WDR25: variants seen among roughly 807,000 people sequenced by gnomAD.
WDR25 encodes the protein WD repeat-containing protein 25.
A neutral mutation model predicts 47.7 loss-of-function variants in WDR25; 35 were observed. That is an observed-to-expected ratio of 0.73 (90% CI 0.56 to 0.97). The LOEUF (loss-of-function observed/expected upper bound fraction) is 0.97. WDR25 is among the 50% of genes least tolerant of loss of function. The pLI is 0.00. For synonymous variants in WDR25, 248 were observed against 278.9 expected (o/e 0.89, Z 1.10); for missense variants, 634 against 704.7 (o/e 0.90, Z 1.14).
chr14:100,429,107 C>A lies in WDR25; in HGVS notation c.823-38914C>A, dbSNP rs1396516920. On this transcript the variant is annotated intron_variant, in intron 2 of 6. Coordinates refer to ENST00000402312, the MANE Select transcript of WDR25 (RefSeq NM_001161476.3). ...TTCCATTTGGCACTTTGTGTTTTGT[C>A]CCCCGGGTTTTGATCTAGGCTGCAG... Among the ~76,000 whole-genome samples the A allele has an allele frequency of 2.0e-5, 3 of 152,178 alleles. No homozygotes were observed. In the South Asian group the frequency reaches 6.2e-4, roughly 31 times the overall value.
intron 2 of WDR25, among the ~76,000 whole-genome samples, chr14:100,432,305 TG>T (rs1687585070): frequency 1.3e-5 from 2 of 152,230 alleles, no homozygotes; most frequent in Non-Finnish European, 2.9e-5. Flanking sequence ...AATAAGTCAA[TG>T]GGTATTATCC....
chr14:100,447,085 T>C (rs1181708865), intron 2 of WDR25, among the ~76,000 whole-genome samples: 2 of 152,190 alleles, frequency 1.3e-5, no homozygotes, highest in African/African-American at 4.8e-5. Context: ...TATTAGAAAA[T>C]TTCTGGGCTC....
Position 100,506,798 on chromosome 14 carries a change from T to C in WDR25, c.1102-19072T>C, listed in dbSNP as rs537265245. Reference sequence around the variant, plus strand: ...CTTGTTCAATTGTTTAAGTTTCTTATAGATTCTGGATATTACAGCTTTGTC... The same window carrying C: ...CTTGTTCAATTGTTTAAGTTTCTTACAGATTCTGGATATTACAGCTTTGTC... On this transcript the variant is annotated intron_variant, in intron 4 of 6. Transcript: ENST00000402312. The surrounding 1 kb of genome is among the most constrained non-coding windows in gnomAD (Gnocchi z 4.8). Among the ~76,000 whole-genome samples, 67 of 152,294 alleles carry C rather than the reference T, an allele frequency of 4.4e-4. 1 individual carries two copies. The South Asian group carries it at 0.012, about 28-fold the overall frequency.
intron 4 of WDR25, among the ~76,000 whole-genome samples, chr14:100,493,634 C>T (rs572376228): frequency 1.3e-5 from 2 of 152,236 alleles, no homozygotes; most frequent in South Asian, 2.1e-4. Context: ...AGTGACACAT[C>T]GTTGTCACTC....
chr14:100,460,198 C>T (rs988247426), intron 2 of WDR25, among the ~76,000 whole-genome samples: 8 of 151,036 alleles, frequency 5.3e-5, no homozygotes, highest in South Asian at 4.2e-4. Context: ...CTGCAAGCTC[C>T]ACCTCCTGGG....
At chr14:100,444,596 G>GTGCC (rs1898772512) in intron 2 of WDR25, among the ~76,000 whole-genome samples, 1 of 152,180 alleles carries the variant, frequency 6.6e-6, no homozygotes, top group South Asian at 2.1e-4. Flanking sequence ...GGCAGATGAA[G>GTGCC]TGCCTCTGAT....
rs1901619053 is a variant in WDR25 at position 100,519,344 on chromosome 14, A to G, written c.1102-6526A>G. On this transcript the variant is annotated intron_variant, in intron 4 of 6. Coordinates refer to ENST00000402312, the MANE Select transcript of WDR25 (RefSeq NM_001161476.3). ...TTACATTAGATTTGTTCATTTTAAAATTTAGAATTTTTTTCTATCTGGTAC... is the reference window on the plus strand; with the variant it reads ...TTACATTAGATTTGTTCATTTTAAAGTTTAGAATTTTTTTCTATCTGGTAC... Among the ~76,000 whole-genome samples, 6 of 152,066 alleles carry G rather than the reference A, an allele frequency of 3.9e-5. No individual in the cohort carries two copies. The South Asian group carries it at 1.2e-3, about 32-fold the overall frequency.
At chr14:100,478,214 C>T (rs776093231) in intron 3 of WDR25, among the ~76,000 whole-genome samples, 26 of 152,182 alleles carry the variant, frequency 1.7e-4, no homozygotes, top group Non-Finnish European at 3.7e-4. Flanking sequence ...TATAATAGCT[C>T]CCTTTTGTTG....
rs755623468 is a variant in WDR25, at chr14:100,520,060, A to ATGTG, written c.1102-5795_1102-5792dup. ...TGGGCGTGTACATATATATGTACAT[A>ATGTG]TGTGTGTGTGTGTGTGTGCATATAT... On this transcript the variant is annotated intron_variant, in intron 4 of 6. Coordinates refer to ENST00000402312, the MANE Select transcript of WDR25 (RefSeq NM_001161476.3). Among the ~76,000 whole-genome samples the ATGTG allele has an allele frequency of 8.1e-3, 1,091 of 134,334 alleles. 18 individuals carry two copies. Among genetic ancestry groups the ATGTG allele is most frequent in the African/African-American group, 0.03 (1,034 of 34,478 alleles). The allele number at this position is 134,334 out of a possible 152,430, so 88.1% of individuals were successfully genotyped here.
intron 2 of WDR25, among the ~76,000 whole-genome samples, chr14:100,432,720 C>T (rs993214350): frequency 3.3e-5 from 5 of 152,218 alleles, no homozygotes; most frequent in African/African-American, 1.2e-4. Context: ...TATATAGTCA[C>T]AGTGTAATCA....
In WDR25 at chr14:100,523,273, G is replaced by A. The variant is rs1170037768; in HGVS notation, c.1102-2597G>A. The stretch of plus-strand genomic sequence containing the variant: ...GACCCAGAAATGTGGGCAGCAGGGC[G>A]TCTGTGCCAGGAGCTCACAGTCCTG... On this transcript the variant is annotated intron_variant, in intron 4 of 6. Coordinates refer to ENST00000402312, the MANE Select transcript of WDR25 (RefSeq NM_001161476.3). This position sits in a 1 kb window ranked among gnomAD's most constrained non-coding sequence, Gnocchi z 4.7. Among the ~76,000 whole-genome samples the A allele has an allele frequency of 6.6e-6, 1 of 152,228 alleles. No individual in the cohort carries two copies. Among genetic ancestry groups the A allele is most frequent in the South Asian group, 2.1e-4 (1 of 4,834 alleles).
intron 3 of WDR25, among the ~76,000 whole-genome samples, chr14:100,470,819 G>A (rs538878267): frequency 6.6e-6 from 1 of 152,340 alleles, no homozygotes; most frequent in East Asian, 1.9e-4. Context: ...TAGCTGTGGT[G>A]TGTTGGGTGT....
At chr14:100,410,384 G>A (rs1401034088) in intron 2 of WDR25, among the ~76,000 whole-genome samples, 1 of 152,182 alleles carries the variant, frequency 6.6e-6, no homozygotes, top group Non-Finnish European at 1.5e-5. Context: ...TGGGCTCAGG[G>A]GGTGGAGAGA....
chr14:100,418,786 G>A (rs192416628), intron 2 of WDR25, among the ~76,000 whole-genome samples: 202 of 151,994 alleles, frequency 1.3e-3, no homozygotes, highest in Middle Eastern at 3.4e-3. Context: ...TCCTACTCAC[G>A]CCACACCTAC....
chr14:100,517,680 C>T lies in WDR25; in HGVS notation c.1102-8190C>T, dbSNP rs189668706. ...CCAACATGGAGAAACCCCATCTCTA[C>T]TAAAAATACAAAAATTAGCCGGGCG... On this transcript the variant is annotated intron_variant, in intron 4 of 6. Transcript: ENST00000402312. 2.3e-3 allele frequency among the ~76,000 whole-genome samples: 344 copies of T among 152,176 alleles called. 2 individuals carry two copies. The highest frequency in any genetic ancestry group is 8.2e-3 in the African/African-American group (340 of 41,528).
chr14:100,405,565 G>A (rs1449094021), intron 2 of WDR25, among the ~76,000 whole-genome samples: 2 of 152,206 alleles, frequency 1.3e-5, no homozygotes, highest in African/African-American at 4.8e-5. Context: ...TCTGTTATAT[G>A]TCTTCACTAT....
intron 4 of WDR25, among the ~76,000 whole-genome samples, chr14:100,491,227 C>T (rs1359046704): frequency 1.3e-5 from 2 of 152,232 alleles, no homozygotes; most frequent in Admixed American, 6.5e-5. Context: ...TCTGTCAGGG[C>T]CCTGAGGCTC....
intron 2 of WDR25, among the ~76,000 whole-genome samples, chr14:100,429,897 G>T (rs529591470): frequency 2.0e-5 from 3 of 152,190 alleles, no homozygotes; most frequent in Non-Finnish European, 2.9e-5. Flanking sequence ...TTGAATCAGG[G>T]CCTAACTTAT....
intron 1 of WDR25, among the ~76,000 whole-genome samples, chr14:100,377,292 A>AGTTGTTGTTGTTGTTGTTGTT (rs56705876): frequency 6.6e-6 from 1 of 151,310 alleles, no homozygotes; most frequent in African/African-American, 2.4e-5. Context: ...TGGCTTTAGA[A>AGTTGTTGTTGTTGTTGTTGTT]GTTGTTGTTG....
Sources: gnomAD v4.1 joint callset for allele counts (sites outside exome capture counted in the v4.1 genomes callset) on GRCh38, gnomAD v4.1.1 for gene constraint, Gnocchi (gnomAD v3.1) non-coding constraint, MANE v1.5 for transcripts, NCBI Gene and HGNC (gene_info 2026-07-23, HGNC 2026-07-21) for gene names.